The following PPP2R3A variants were observed in gnomAD, a reference collection of about 807,000 sequenced individuals.
The protein encoded by PPP2R3A is protein phosphatase 2 regulatory subunit B''alpha, also known as serine/threonine-protein phosphatase 2A regulatory subunit B'' subunit alpha.
Under a neutral mutation model 106.9 loss-of-function variants are expected in PPP2R3A, and 80 were observed. That is an observed-to-expected ratio of 0.75 (90% confidence interval 0.62 to 0.90). The LOEUF (loss-of-function observed/expected upper bound fraction) is 0.90. Ranked by LOEUF, PPP2R3A falls within the 40% of genes least tolerant of loss-of-function variation. The pLI is 0.00. For missense variants in PPP2R3A, 1,386 were observed against 1,350.4 expected, an observed-to-expected ratio of 1.03 and a Z score of -0.41; for synonymous variants, 483 against 468.3, an observed-to-expected ratio of 1.03 and a Z score of -0.41.
chr3:136,099,864 T>C (rs1937313753), intron 10 of PPP2R3A, among the ~76,000 whole-genome samples: 1 of 150,134 alleles, frequency 6.7e-6, no homozygotes, highest in Non-Finnish European at 1.5e-5. Flanking sequence ...AAAGGCCACA[T>C]GCGGCTAGTA....
At chr3:136,126,583 A>G (rs991004293) in intron 13 of PPP2R3A, among the ~76,000 whole-genome samples, 1 of 152,248 alleles carries the variant, frequency 6.6e-6, no homozygotes, top group Admixed American at 6.5e-5. Context: ...AAAAGACAGC[A>G]GACAACTTCT....
chr3:136,117,599 A>G (rs1007567563), intron 13 of PPP2R3A, among the ~76,000 whole-genome samples: 1 of 152,176 alleles, frequency 6.6e-6, no homozygotes, highest in East Asian at 1.9e-4. Context: ...TAGTATAAAC[A>G]CCTCTATGCA....
Position 136,026,899 on chromosome 3 carries a change from C to A in PPP2R3A, c.2063C>A (p.Pro688His). The change falls in exon 3 of 14, where the codon CCC (proline) becomes CAC (histidine). Residue 688 changes from proline to histidine, a missense_variant. Transcript: ENST00000264977. The part of the protein sequence containing the change: ...LPPPATSPSS[P>H]RPLSPVPHVN... The stretch of plus-strand genomic sequence containing the variant: ...CCTCCAGCCACCTCTCCAAGTAGTC[C>A]CCGACCTCTCTCCCCGGTTCCCCAT... 4 of 1,612,830 alleles carry A rather than the reference C, an allele frequency of 2.5e-6. No individual in the cohort carries two copies. The highest frequency in any genetic ancestry group is 3.3e-5 in the Admixed American group (2 of 59,980).
chr3:136,002,603 A>T lies in PPP2R3A; in HGVS notation c.1105A>T (p.Ile369Phe). 1 of 1,614,048 alleles carries T rather than the reference A, an allele frequency of 6.2e-7. No homozygotes were observed. Among genetic ancestry groups the T allele is most frequent in the Non-Finnish European group, 8.5e-7 (1 of 1,179,940 alleles). ...TAGGAAGATGGACACTGTACAATCCATTCCAAACAACTCCACAAATTCCTT... is the reference window on the plus strand; with the variant it reads ...TAGGAAGATGGACACTGTACAATCCTTTCCAAACAACTCCACAAATTCCTT... Reference protein sequence around the residue: ...NSRKMDTVQSIPNNSTNSLYN... With the variant: ...NSRKMDTVQSFPNNSTNSLYN... Residue 369 changes from isoleucine (I) to phenylalanine (F), a missense_variant, in exon 2 of 14, where the codon ATT becomes TTT. Transcript: ENST00000264977.
intron 13 of PPP2R3A, among the ~76,000 whole-genome samples, chr3:136,115,611 A>G (rs1431170745): frequency 1.3e-5 from 2 of 151,794 alleles, no homozygotes; most frequent in African/African-American, 2.4e-5. Context: ...ATATACAACT[A>G]TCAGTAGCCA....
At chr3:136,079,094 G>C in intron 7 of PPP2R3A, 3 of 409,746 alleles carry the variant, frequency 7.3e-6, no homozygotes, top group Non-Finnish European at 1.5e-5. Context: ...ATGGAATTTA[G>C]GCTAATAATA....
intron 2 of PPP2R3A, among the ~76,000 whole-genome samples, chr3:136,010,754 A>T (rs951293011): frequency 6.6e-6 from 1 of 152,008 alleles, no homozygotes; most frequent in Non-Finnish European, 1.5e-5. Context: ...CCAGACCTAC[A>T]CTGGGGCTTT....
chr3:136,082,898 A>G (rs561406020), intron 8 of PPP2R3A, among the ~76,000 whole-genome samples: 78 of 152,392 alleles, frequency 5.1e-4, no homozygotes, highest in African/African-American at 1.8e-3. Context: ...ACGTCTCTGC[A>G]GATGAATTTT....
At chr3:136,080,267 A>G (rs1045587091) in intron 7 of PPP2R3A, among the ~76,000 whole-genome samples, 1 of 152,202 alleles carries the variant, frequency 6.6e-6, no homozygotes, top group African/African-American at 2.4e-5. Context: ...AATTAATTAC[A>G]TATTCCTCTA....
chr3:136,106,103 GA>G (rs1199293416), intron 12 of PPP2R3A, 112 bp from the exon 13 acceptor site: 3 of 880,516 alleles, frequency 3.4e-6, no homozygotes, highest in Non-Finnish European at 5.2e-6. Flanking sequence ...CTGTTGAAAT[GA>G]AACATTTTTC....
chr3:136,074,203 A>G (rs991692727), intron 6 of PPP2R3A, among the ~76,000 whole-genome samples: 6 of 152,220 alleles, frequency 3.9e-5, no homozygotes, highest in Non-Finnish European at 7.3e-5. Flanking sequence ...TGTGAGGTAC[A>G]TATATGATGA....
At chr3:135,969,424 C>G (rs1474716993) in intron 1 of PPP2R3A, among the ~76,000 whole-genome samples, 1 of 152,170 alleles carries the variant, frequency 6.6e-6, no homozygotes, top group Non-Finnish European at 1.5e-5. Context: ...TCCCAGGGTT[C>G]TAGCTTGCCC....
intron 1 of PPP2R3A, among the ~76,000 whole-genome samples, chr3:135,997,388 TTC>T (rs1426454520): frequency 6.6e-6 from 1 of 152,180 alleles, no homozygotes; most frequent in East Asian, 1.9e-4. Flanking sequence ...TGTTATCTTT[TTC>T]TCTTTCTTCT....
chr3:136,063,451 A>G (rs1936149254), intron 5 of PPP2R3A, among the ~76,000 whole-genome samples: 1 of 152,240 alleles, frequency 6.6e-6, no homozygotes, highest in Non-Finnish European at 1.5e-5. Context: ...GAGCTTCTGC[A>G]CAGCAAAAGA....
chr3:136,053,503 T>G (rs762232772), intron 5 of PPP2R3A, among the ~76,000 whole-genome samples: 2 of 152,188 alleles, frequency 1.3e-5, no homozygotes, highest in Non-Finnish European at 2.9e-5. Context: ...CAGGACTGAC[T>G]GACCCAATGA....
At chr3:136,106,177 A>AT (rs775950824) in intron 12 of PPP2R3A, 39 bp from the exon 13 acceptor site, 30 of 1,542,150 alleles carry the variant, frequency 1.9e-5, no homozygotes, top group East Asian at 6.8e-5. Flanking sequence ...TTTGTCTTTG[A>AT]TTTTTTTTAT....
chr3:136,055,459 G>A (rs1241548981), intron 5 of PPP2R3A: 10 of 1,124,512 alleles, frequency 8.9e-6, no homozygotes, highest in African/African-American at 1.5e-5. Context: ...GTGTAAATGT[G>A]AAGACACAGC....
chr3:136,069,086 C>T lies in PPP2R3A; in HGVS notation c.2470-1392C>T, dbSNP rs57507646. On this transcript the variant is annotated intron_variant, in intron 5 of 13. Coordinates refer to ENST00000264977, the MANE Select transcript of PPP2R3A (RefSeq NM_002718.5). ...ACCAGTGAGACACAAAAGCTAAATG[C>T]AGTGTAAGATCCTGGAACAGAAAAA... Among the ~76,000 whole-genome samples the T allele has an allele frequency of 7.2e-3, 1,101 of 152,212 alleles. 11 individuals are homozygous for T. Among genetic ancestry groups the T allele is most frequent in the African/African-American group, 0.026 (1,079 of 41,518 alleles).
chr3:136,014,675 T>C (rs764729590), intron 2 of PPP2R3A, among the ~76,000 whole-genome samples: 6 of 152,206 alleles, frequency 3.9e-5, no homozygotes, highest in Non-Finnish European at 5.9e-5. Flanking sequence ...TGTACTTTGA[T>C]TTTATATCCT....
Sources: gnomAD v4.1 joint callset for allele counts (sites outside exome capture counted in the v4.1 genomes callset) on GRCh38, gnomAD v4.1.1 for gene constraint, MANE v1.5 for transcripts, NCBI Gene and HGNC (gene_info 2026-07-23, HGNC 2026-07-21) for gene names.